Variants in CPLX4 observed in about 807,000 individuals in gnomAD.
CPLX4 encodes complexin-4.
In CPLX4, 17 loss-of-function variants were observed where a neutral mutation model predicts 16.1. The ratio of observed to expected loss-of-function variants is 1.06; its 90% confidence interval spans 0.72 to 1.59. The LOEUF (loss-of-function observed/expected upper bound fraction) is 1.59. CPLX4 is among the 40% of genes most tolerant of loss of function. The pLI, the probability that CPLX4 is intolerant of heterozygous loss-of-function variation, is 0.00. For synonymous variants in CPLX4, 55 were observed against 57.8 expected (o/e 0.95, Z 0.22); for missense variants, 193 against 192.9 (o/e 1.00, Z 0.00).
At position 59,296,569 on chromosome 18, in the gene CPLX4, C is replaced by G. The variant is rs2070501950; in HGVS notation, c.*129G>C. ...ATATTTAGAACAACCAAATTATTGT[C>G]TGTCAATGGATCATCGTGGTTTTCC... On this transcript the variant is annotated 3_prime_UTR_variant, in exon 3 of 3. Transcript: ENST00000299721. 2 of 941,598 alleles carry G rather than the reference C, an allele frequency of 2.1e-6. No individual in the cohort carries two copies. The highest frequency in any genetic ancestry group is 3.2e-6 in the Non-Finnish European group (2 of 617,986). 58.3% of individuals were successfully genotyped at this position (941,598 alleles called of 1,614,324 possible).
Position 59,296,810 on chromosome 18 carries a change from A to G in CPLX4, c.371T>C (p.Leu124Pro), listed in dbSNP as rs1307558237. Residue 124 changes from leucine (L) to proline (P), a missense_variant, in exon 3 of 3, where the codon CTT becomes CCT. By Grantham distance (98) the Leu-to-Pro change is moderately conservative. Transcript: ENST00000299721. ...QEEEEDKDSI[L>P]GQIQNLQNMD... ...GTTCTGGAGATTCTGTATCTGCCCA[A>G]GAATAGAATCTTTATCTTCTTCCTC... 6.2e-7 allele frequency: 1 copy of G among 1,613,938 alleles called. No individual in the cohort carries two copies. The highest frequency in any genetic ancestry group is 1.7e-5 in the Admixed American group (1 of 59,978).
chr18:59,317,498 A>G (rs1240745947), intron 1 of CPLX4, among the ~76,000 whole-genome samples: 32 of 152,070 alleles, frequency 2.1e-4, no homozygotes, highest in Admixed American at 2.1e-3. Context: ...CTTATATTTT[A>G]TATTTTATTT....
intron 2 of CPLX4, among the ~76,000 whole-genome samples, chr18:59,308,574 A>C (rs1024616125): frequency 1.4e-5 from 2 of 139,512 alleles, no homozygotes; most frequent in African/African-American, 5.4e-5. Flanking sequence ...TCACCTCTAG[A>C]AATTGGTTTC....
In CPLX4 at chr18:59,295,675, T is replaced by C. The variant is rs777489965; in HGVS notation, c.*1023A>G. On this transcript the variant is annotated 3_prime_UTR_variant, in exon 3 of 3. Coordinates refer to ENST00000299721, the MANE Select transcript of CPLX4 (RefSeq NM_181654.4). ...CCTAAGTCTTTTGAATTATTCCTTT[T>C]GAAAGAGAGCAGATATTAGGGGGGA... 1 of 151,932 alleles carries C rather than the reference T, an allele frequency of 6.6e-6. No homozygotes were observed. Among genetic ancestry groups the C allele is most frequent in the Non-Finnish European group, 1.5e-5 (1 of 68,008 alleles). 9.4% of individuals were successfully genotyped at this position (151,932 alleles called of 1,614,324 possible). A position where few individuals can be genotyped will look rare whatever the true frequency, so the allele number is the denominator to read the frequency against.
At chr18:59,299,600 C>T (rs640401) in intron 2 of CPLX4, among the ~76,000 whole-genome samples, 42,348 of 152,088 alleles carry the variant, frequency 0.28, 6,905 homozygotes, top group African/African-American at 0.45. Context: ...GGCTCTGCAG[C>T]GCTTGAAGAA....
chr18:59,308,694 C>T (rs1468678888), intron 2 of CPLX4, among the ~76,000 whole-genome samples: 1 of 152,172 alleles, frequency 6.6e-6, no homozygotes, highest in African/African-American at 2.4e-5. Context: ...GGATTCGGGG[C>T]CCGCGCTGGC....
chr18:59,315,690 T>C (rs1013336047), intron 1 of CPLX4, among the ~76,000 whole-genome samples: 2 of 152,206 alleles, frequency 1.3e-5, no homozygotes, highest in Non-Finnish European at 2.9e-5. Flanking sequence ...ACGTGTATGA[T>C]GCATGACAAA....
chr18:59,316,661 G>A (rs935562796), intron 1 of CPLX4, among the ~76,000 whole-genome samples: 2 of 152,046 alleles, frequency 1.3e-5, no homozygotes, highest in Non-Finnish European at 2.9e-5. Context: ...TATGCAAAAA[G>A]CTGAGTAGCT....
chr18:59,299,016 G>A (rs1227500023), intron 2 of CPLX4, among the ~76,000 whole-genome samples: 1 of 152,226 alleles, frequency 6.6e-6, no homozygotes, highest in Non-Finnish European at 1.5e-5. Context: ...GTCCCACTCC[G>A]CGCCAGCCTC....
At chr18:59,309,822 CAA>C (rs369580193) in intron 2 of CPLX4, among the ~76,000 whole-genome samples, 8,909 of 86,862 alleles carry the variant, frequency 0.1, 1,087 homozygotes, top group African/African-American at 0.34. Context: ...GACTCTGTGT[CAA>C]AAAAAAAAAA....
At chr18:59,300,658 T>C (rs2070534615) in intron 2 of CPLX4, among the ~76,000 whole-genome samples, 1 of 152,218 alleles carries the variant, frequency 6.6e-6, no homozygotes. Context: ...GGAAGGTTAA[T>C]TAGATGGTAA....
chr18:59,304,097 C>T (rs752357850), intron 2 of CPLX4, among the ~76,000 whole-genome samples: 1 of 152,152 alleles, frequency 6.6e-6, no homozygotes, highest in Non-Finnish European at 1.5e-5. Flanking sequence ...CAATGTGACA[C>T]ATTTAAAGAA....
chr18:59,304,864 C>T (rs1422218183), intron 2 of CPLX4, among the ~76,000 whole-genome samples: 1 of 151,790 alleles, frequency 6.6e-6, no homozygotes, highest in South Asian at 2.1e-4. Flanking sequence ...GCCACTGCGC[C>T]CGGCCGGGCA....
Position 59,312,739 on chromosome 18 carries a change from CT to C in CPLX4, c.200del (p.Lys67ArgfsTer44). Reference protein sequence around the residue: ...MERDAAFTQKKAERACLRVHL... With the variant: ...MERDAAFTQKXAERACLRVHL... ...GAACTCTGAGGCATGCCCTTTCTGC[CT>C]TTTTCTGTGTAAATGCAGCATCTCT... On this transcript the variant is annotated frameshift_variant, in exon 2 of 3. Transcript: ENST00000299721. LOFTEE classifies it high-confidence loss of function. The C allele has an allele frequency of 3.1e-5, 45 of 1,471,834 alleles. No individual in the cohort carries two copies. The highest frequency in any genetic ancestry group is 3.9e-5 in the Non-Finnish European group (41 of 1,050,988). 91.2% of individuals were successfully genotyped at this position (1,471,834 alleles called of 1,614,324 possible).
At chr18:59,305,456 A>G (rs1430376909) in intron 2 of CPLX4, among the ~76,000 whole-genome samples, 1 of 152,198 alleles carries the variant, frequency 6.6e-6, no homozygotes, top group Non-Finnish European at 1.5e-5. Context: ...CTCCAAGTAG[A>G]AAAGCTATGG....
intron 2 of CPLX4, among the ~76,000 whole-genome samples, chr18:59,310,942 C>A (rs2070612488): frequency 1.5e-5 from 2 of 133,732 alleles, no homozygotes; most frequent in African/African-American, 3.0e-5. Flanking sequence ...GCACACCCAG[C>A]CAATCGTGTG....
At chr18:59,312,429 T>TTG (rs2070622917) in intron 2 of CPLX4, among the ~76,000 whole-genome samples, 3 of 136,190 alleles carry the variant, frequency 2.2e-5, no homozygotes, top group Non-Finnish European at 4.8e-5. Context: ...ATCCTGAATA[T>TTG]GTGTGTGTGT....
intron 2 of CPLX4, among the ~76,000 whole-genome samples, chr18:59,302,500 G>A (rs891912740): frequency 6.6e-6 from 1 of 152,234 alleles, no homozygotes; most frequent in Non-Finnish European, 1.5e-5. Flanking sequence ...CTGTTTCAGA[G>A]ATCGTCTCAT....
At chr18:59,307,117 A>AG (rs962312190) in intron 2 of CPLX4, among the ~76,000 whole-genome samples, 1 of 152,098 alleles carries the variant, frequency 6.6e-6, no homozygotes, top group African/African-American at 2.4e-5. Context: ...CCCAGTTTAG[A>AG]GGGATATGAG....
Sources: gnomAD v4.1 joint callset for allele counts (sites outside exome capture counted in the v4.1 genomes callset) on GRCh38, gnomAD v4.1.1 for gene constraint, MANE v1.5 for transcripts, NCBI Gene and HGNC (gene_info 2026-07-23, HGNC 2026-07-21) for gene names.